The following KXD1 variants were observed in gnomAD, a reference collection of about 807,000 sequenced individuals.
The protein encoded by KXD1 is KxDL motif containing 1, also known as kxDL motif-containing protein 1.
In KXD1, 5 loss-of-function variants were observed where a neutral mutation model predicts 12.1. The observed-to-expected ratio is 0.41, with a 90% CI of 0.22 to 0.87. The LOEUF is 0.87. Ranked by LOEUF, KXD1 falls within the 40% of genes least tolerant of loss-of-function variation. KXD1 has a pLI of 0.31. For missense variants in KXD1, 193 were observed against 244.9 expected, an observed-to-expected ratio of 0.79 and a Z score of 1.41; for synonymous variants, 98 against 100.5, an observed-to-expected ratio of 0.98 and a Z score of 0.15.
rs771009931 is a variant in KXD1, at chr19:18,564,866, C to T, written c.102-3C>T. 9.9e-6 allele frequency: 16 copies of T among 1,613,426 alleles called. 1 individual carries two copies. The highest frequency in any genetic ancestry group is 1.3e-5 in the Non-Finnish European group (15 of 1,180,018). On this transcript the variant is annotated splice_polypyrimidine_tract_variant and splice_region_variant and intron_variant, in intron 2 of 4. Transcript: ENST00000222307. ...GAAGCTCATGCCCTCTCTCCACCAT[C>T]AGGCTGGACCGCTTTGAGAAGACCA...
At chr19:18,559,714 T>A (rs929154111) in intron 1 of KXD1, 1 of 152,180 alleles carries the variant, frequency 6.6e-6, no homozygotes, top group Non-Finnish European at 1.5e-5. Flanking sequence ...TCACTGGCTG[T>A]GTGACAGTGG....
intron 3 of KXD1, 145 bp downstream of exon 3, chr19:18,565,166 T>C: frequency 7.0e-7 from 1 of 1,438,796 alleles, no homozygotes; most frequent in Non-Finnish European, 9.1e-7. Flanking sequence ...CTGGGACAAT[T>C]CCAACCCTGG....
Position 18,567,121 on chromosome 19 carries a change from C to T in KXD1, c.255-11C>T, listed in dbSNP as rs367830019. On this transcript the variant is annotated splice_polypyrimidine_tract_variant and intron_variant, in intron 3 of 4. Transcript: ENST00000222307. ...GCAGGTTAAGCCCTGTGTGCCTTCT[C>T]TCCCCTGCAGGACGCTGAAAGGGAA... 6 of 1,613,776 alleles carry T rather than the reference C, an allele frequency of 3.7e-6. No homozygotes were observed. Among genetic ancestry groups the T allele is most frequent in the Non-Finnish European group, 5.1e-6 (6 of 1,179,868 alleles).
intron 2 of KXD1, among the ~76,000 whole-genome samples, chr19:18,563,942 AG>A (rs1223467504): frequency 6.6e-6 from 1 of 151,920 alleles, no homozygotes; most frequent in Non-Finnish European, 1.5e-5. Flanking sequence ...GCTGGAGTGC[AG>A]TGGCGCAATC....
At chr19:18,564,787 T>C in intron 2 of KXD1, 82 bp from the exon 3 acceptor site, 2 of 1,507,684 alleles carry the variant, frequency 1.3e-6, no homozygotes, top group Non-Finnish European at 1.8e-6. Context: ...AGGCAAGGGC[T>C]TGGCATGAAC....
chr19:18,560,013 C>A (rs1176948208), intron 1 of KXD1: 3 of 136,776 alleles, frequency 2.2e-5, no homozygotes, highest in Non-Finnish European at 4.8e-5. Context: ...TCCCTTCCTT[C>A]CTTCTTTTCG....
Position 18,568,634 on chromosome 19 carries a change from C to T in KXD1, c.*3C>T, listed in dbSNP as rs1187868768. ...ACGAGGAGATGACGGGCGAATAGCCCTGCTGCCCGGTGCCTTGAGGGGGTC... is the reference window on the plus strand; with the variant it reads ...ACGAGGAGATGACGGGCGAATAGCCTTGCTGCCCGGTGCCTTGAGGGGGTC... On this transcript the variant is annotated 3_prime_UTR_variant, in exon 5 of 5. Coordinates refer to ENST00000222307, the MANE Select transcript of KXD1 (RefSeq NM_024069.4). 6.2e-7 allele frequency: 1 copy of T among 1,605,218 alleles called. No homozygotes were observed. The highest frequency in any genetic ancestry group is 2.2e-5 in the East Asian group (1 of 44,852).
At chr19:18,565,705 T>G (rs1975186021) in intron 3 of KXD1, among the ~76,000 whole-genome samples, 1 of 149,170 alleles carries the variant, frequency 6.7e-6, no homozygotes. Flanking sequence ...GTTTTATTTT[T>G]GAGGTGGAGT....
chr19:18,562,248 T>TG (rs1343533822), intron 2 of KXD1, 91 bp downstream of exon 2: 24 of 928,996 alleles, frequency 2.6e-5, no homozygotes, highest in Non-Finnish European at 3.2e-6. Context: ...GGGCCCACAC[T>TG]GGTGATAAAA....
chr19:18,559,372 T>C (rs910196781), intron 1 of KXD1: 11 of 152,234 alleles, frequency 7.2e-5, no homozygotes, highest in African/African-American at 2.6e-4. Context: ...TCAATAACCA[T>C]AGTTATTATT....
In KXD1 at chr19:18,562,096, C is replaced by A; in HGVS notation, c.40C>A (p.Arg14Ser). ...PDSASRVFCG[R>S]ILSMVNTDDV... ...CTCGGCCTCGAGGGTCTTCTGCGGC[C>A]GCATCCTGAGCATGGTGAACACAGA... is the stretch of plus-strand genomic sequence containing the variant. The change falls in exon 2 of 5, where the codon CGC becomes AGC. Residue 14 changes from arginine (R) to serine (S), a missense_variant. Coordinates refer to ENST00000222307, the MANE Select transcript of KXD1 (RefSeq NM_024069.4). 4.3e-6 allele frequency: 7 copies of A among 1,613,514 alleles called. No individual in the cohort carries two copies. Among genetic ancestry groups the A allele is most frequent in the Non-Finnish European group, 5.9e-6 (7 of 1,179,744 alleles).
chr19:18,565,315 C>A (rs188952381), intron 3 of KXD1: 5 of 592,036 alleles, frequency 8.4e-6, no homozygotes, highest in Non-Finnish European at 1.3e-5. Flanking sequence ...CTGCAAGCTC[C>A]GCTTCCCGGG....
In KXD1 at chr19:18,568,672, C is replaced by T. The variant is rs775508722; in HGVS notation, c.*41C>T. 2.7e-6 allele frequency: 4 copies of T among 1,486,600 alleles called. No homozygotes were observed. Among genetic ancestry groups the T allele is most frequent in the Non-Finnish European group, 2.8e-6 (3 of 1,080,000 alleles). 92.1% of individuals were successfully genotyped at this position (1,486,600 alleles called of 1,614,324 possible). On this transcript the variant is annotated 3_prime_UTR_variant, in exon 5 of 5. Transcript: ENST00000222307. ...CCTTGAGGGGGTCTCAGGGCAGCAG[C>T]ATACAAGGTGGCAGCGGGTAACCCT...
At position 18,568,457 on chromosome 19, in the gene KXD1, C is replaced by T. The variant is rs747753679; in HGVS notation, c.357C>T (p.Ser119=). 5 of 1,613,934 alleles carry T rather than the reference C, an allele frequency of 3.1e-6. No homozygotes were observed. In the African/African-American group the frequency reaches 6.7e-5, roughly 22 times the overall value. The change falls in exon 5 of 5, where the codon AGC becomes AGT. Residue 119 remains serine (S), a synonymous_variant. Transcript: ENST00000222307. ...EEEDEDPIPP[S]TTTTIATSEQ... Reference sequence around the variant, plus strand: ...AGGATGAAGACCCCATCCCACCCAGCACCACGACCACCATTGCCACCTCAG... The same window carrying T: ...AGGATGAAGACCCCATCCCACCCAGTACCACGACCACCATTGCCACCTCAG...
At chr19:18,561,139 A>G (rs1003221247) in intron 1 of KXD1, among the ~76,000 whole-genome samples, 1 of 152,156 alleles carries the variant, frequency 6.6e-6, no homozygotes, top group Non-Finnish European at 1.5e-5. Flanking sequence ...GCAGTGGCTC[A>G]GGCCTGTAAT....
intron 4 of KXD1, among the ~76,000 whole-genome samples, chr19:18,568,069 A>T (rs1310603596): frequency 6.6e-6 from 1 of 152,168 alleles, no homozygotes; most frequent in Non-Finnish European, 1.5e-5. Flanking sequence ...GGAGTTCGAT[A>T]CCAGCCTGAC....
At chr19:18,560,465 T>A (rs1370095623) in intron 1 of KXD1, 1 of 152,248 alleles carries the variant, frequency 6.6e-6, no homozygotes, top group Non-Finnish European at 1.5e-5. Context: ...CTCCGGGAAG[T>A]CCCTGCCTGC....
chr19:18,558,688 C>T (rs965933775), intron 1 of KXD1: 11 of 152,326 alleles, frequency 7.2e-5, no homozygotes, highest in African/African-American at 2.6e-4. Context: ...CATGGTCAAA[C>T]AGCCTACCTC....
rs1281404990 is a variant in KXD1 at position 18,569,360 on chromosome 19, C to A, written c.*729C>A. 2 of 152,512 alleles carry A rather than the reference C, an allele frequency of 1.3e-5. No individual in the cohort carries two copies. Among genetic ancestry groups the A allele is most frequent in the African/African-American group, 4.8e-5 (2 of 41,378 alleles). 9.4% of individuals were successfully genotyped at this position (152,512 alleles called of 1,614,324 possible). A position where few individuals can be genotyped will look rare whatever the true frequency, so the allele number is the denominator to read the frequency against. On this transcript the variant is annotated 3_prime_UTR_variant, in exon 5 of 5. Coordinates refer to ENST00000222307, the MANE Select transcript of KXD1 (RefSeq NM_024069.4). ...TGGGAAGTTATCAATAAAAAGACAC[C>A]ATTACTAAAAAGGGAAAAGTACACC...
Sources: allele counts gnomAD v4.1 joint callset (sites outside exome capture counted in the v4.1 genomes callset), GRCh38; gene constraint gnomAD v4.1.1; transcripts MANE v1.5; gene names NCBI Gene and HGNC (gene_info 2026-07-23, HGNC 2026-07-21).